The following TERF2 variants were observed in gnomAD, a reference collection of about 807,000 sequenced individuals.
The protein encoded by TERF2 is telomeric repeat binding factor 2.
Under a neutral mutation model 56.1 loss-of-function variants are expected in TERF2, and 16 were observed. That is an observed-to-expected ratio of 0.29 (90% CI 0.19 to 0.43). The LOEUF (loss-of-function observed/expected upper bound fraction) is 0.43. Ranked by LOEUF, TERF2 falls within the 20% of genes least tolerant of loss-of-function variation. TERF2 has a pLI of 1.00. For missense variants in TERF2, 547 were observed against 712.9 expected (o/e 0.77, Z 2.65); for synonymous variants, 296 against 282.1 (o/e 1.05, Z -0.50).
chr16:69,382,846 C>T (rs892318740), intron 3 of TERF2, among the ~76,000 whole-genome samples: 4 of 152,122 alleles, frequency 2.6e-5, no homozygotes, highest in African/African-American at 9.7e-5. Flanking sequence ...GACTCCTGAT[C>T]CTCGGAAACT....
chr16:69,375,729 C>T (rs1306682791), intron 3 of TERF2, among the ~76,000 whole-genome samples: 2 of 152,120 alleles, frequency 1.3e-5, no homozygotes, highest in African/African-American at 4.8e-5. Context: ...GGATTATAGG[C>T]ATGTGACACC....
chr16:69,361,058 C>A (rs1395362676), intron 8 of TERF2, among the ~76,000 whole-genome samples: 1 of 151,894 alleles, frequency 6.6e-6, no homozygotes, highest in Middle Eastern at 3.4e-3. Flanking sequence ...CAAAGTGAGA[C>A]CCCATCTCTA....
intron 2 of TERF2, among the ~76,000 whole-genome samples, chr16:69,385,190 A>C (rs1432146347): frequency 6.6e-6 from 1 of 152,158 alleles, no homozygotes; most frequent in Non-Finnish European, 1.5e-5. Context: ...TTTAAAAAAA[A>C]CACAGAAAAG....
chr16:69,380,256 A>G (rs1342532681), intron 3 of TERF2, among the ~76,000 whole-genome samples: 1 of 152,088 alleles, frequency 6.6e-6, no homozygotes, highest in Non-Finnish European at 1.5e-5. Flanking sequence ...TACACATACG[A>G]AGCTGAAAAT....
At chr16:69,370,279 C>T (rs1038101645) in intron 5 of TERF2, 4 of 626,002 alleles carry the variant, frequency 6.4e-6, no homozygotes, top group Non-Finnish European at 7.9e-6. Context: ...GATCCACCCC[C>T]CTGGGCCTCC....
intron 8 of TERF2, among the ~76,000 whole-genome samples, chr16:69,359,298 C>A (rs190715614): frequency 6.6e-6 from 1 of 152,232 alleles, no homozygotes; most frequent in East Asian, 1.9e-4. Flanking sequence ...GAGGCCAAGG[C>A]GGGCGGATCA....
intron 8 of TERF2, among the ~76,000 whole-genome samples, chr16:69,359,079 T>G (rs1293300217): frequency 1.3e-5 from 2 of 152,372 alleles, no homozygotes; most frequent in East Asian, 3.9e-4. Flanking sequence ...CTAGGCGATA[T>G]GAATTTTTCA....
chr16:69,356,040 A>G lies in TERF2; in HGVS notation c.*858T>C, dbSNP rs2142693146. On this transcript the variant is annotated 3_prime_UTR_variant, in exon 10 of 10. Coordinates refer to ENST00000254942, the MANE Select transcript of TERF2 (RefSeq NM_005652.5). ...ATGTTGACAGCAAATGCCAAGGCAG[A>G]CAGGTCTAGGGTTGATGTCACGACT... 3.2e-6 allele frequency: 1 copy of G among 314,598 alleles called. No individual in the cohort carries two copies. The highest frequency in any genetic ancestry group is 4.1e-4 in the Middle Eastern group (1 of 2,448). The allele number at this position is 314,598 out of a possible 1,614,324, so 19.5% of individuals were successfully genotyped here.
intron 7 of TERF2, among the ~76,000 whole-genome samples, chr16:69,362,322 A>C (rs745559479): frequency 6.6e-6 from 1 of 151,922 alleles, no homozygotes; most frequent in East Asian, 1.9e-4. Flanking sequence ...TACCAACCAC[A>C]ACACACACAG....
chr16:69,381,259 T>C (rs949038647), intron 3 of TERF2, among the ~76,000 whole-genome samples: 3 of 152,228 alleles, frequency 2.0e-5, no homozygotes, highest in African/African-American at 7.2e-5. Context: ...ATACTGTCAC[T>C]TGTTTTATGT....
At chr16:69,368,823 C>T (rs1372684291) in intron 5 of TERF2, among the ~76,000 whole-genome samples, 1 of 151,752 alleles carries the variant, frequency 6.6e-6, no homozygotes, top group Non-Finnish European at 1.5e-5. Context: ...ATTACAGGCG[C>T]CCACCACCAT....
intron 7 of TERF2, among the ~76,000 whole-genome samples, chr16:69,363,313 G>C (rs1282426124): frequency 6.6e-6 from 1 of 152,182 alleles, no homozygotes; most frequent in Non-Finnish European, 1.5e-5. Context: ...TCCCTGCACA[G>C]TCTTCACAGG....
chr16:69,372,228 G>A (rs372996289), intron 4 of TERF2, 41 bp downstream of exon 4: 2 of 1,412,038 alleles, frequency 1.4e-6, no homozygotes, highest in African/African-American at 2.9e-5. Flanking sequence ...AAAGCAATGA[G>A]ATGAATTTAA....
intron 3 of TERF2, among the ~76,000 whole-genome samples, chr16:69,374,942 G>A (rs1036232305): frequency 6.6e-6 from 1 of 152,124 alleles, no homozygotes; most frequent in Admixed American, 6.5e-5. Flanking sequence ...TCCAGCCTGG[G>A]CAACAGAGTG....
chr16:69,368,983 T>G (rs1455071592), intron 5 of TERF2, among the ~76,000 whole-genome samples: 1 of 152,068 alleles, frequency 6.6e-6, no homozygotes, highest in Non-Finnish European at 1.5e-5. Flanking sequence ...GCAATAAATG[T>G]TCATACTAAT....
chr16:69,374,860 G>A (rs1281439667), intron 3 of TERF2, among the ~76,000 whole-genome samples: 2 of 150,938 alleles, frequency 1.3e-5, no homozygotes, highest in Non-Finnish European at 3.0e-5. Context: ...AGGTGCTTGG[G>A]AGGCTAAGGC....
rs377647253 is a variant in TERF2 at position 69,385,705 on chromosome 16, C to T, written c.267G>A (p.Arg89=). 1.6e-5 allele frequency: 26 copies of T among 1,598,690 alleles called. No homozygotes were observed. The highest frequency in any genetic ancestry group is 2.1e-5 in the Non-Finnish European group (25 of 1,174,466). Residue 89 remains arginine, a synonymous_variant, in exon 1 of 10, where the codon CGG becomes CGA. Transcript: ENST00000254942. Reference sequence around the variant, plus strand: ...CCCAGCGATTGACTGCCTCTTCCAGCCGTGCCTCCCCCGCGCCGCGCTCCG... The same window carrying T: ...CCCAGCGATTGACTGCCTCTTCCAGTCGTGCCTCCCCCGCGCCGCGCTCCG... The part of the protein sequence containing the change: ...GPAERGAGEA[R]LEEAVNRWVL...
chr16:69,369,471 G>A (rs779221711), intron 5 of TERF2, among the ~76,000 whole-genome samples: 2 of 152,054 alleles, frequency 1.3e-5, no homozygotes, highest in Non-Finnish European at 2.9e-5. Flanking sequence ...GCTAATTTTT[G>A]TATTTTCTGT....
At chr16:69,370,455 T>A (rs747993231) in intron 5 of TERF2, 28 bp downstream of exon 5, 1 of 1,608,532 alleles carries the variant, frequency 6.2e-7, no homozygotes, top group Admixed American at 1.7e-5. Context: ...GGGCACACCA[T>A]GGTTATGGGA....
Sources: gnomAD v4.1 joint callset for allele counts (sites outside exome capture counted in the v4.1 genomes callset) on GRCh38, gnomAD v4.1.1 for gene constraint, MANE v1.5 for transcripts, NCBI Gene and HGNC (gene_info 2026-07-23, HGNC 2026-07-21) for gene names.